Variants in THSD7A observed in about 807,000 individuals in gnomAD.
THSD7A encodes the protein thrombospondin type-1 domain-containing protein 7A.
In THSD7A, 96 loss-of-function variants were observed where a neutral mutation model predicts 231.3. The ratio of observed to expected loss-of-function variants is 0.41; its 90% CI spans 0.35 to 0.49. The LOEUF is 0.49. Among genes scored for constraint, THSD7A ranks in the 20% least tolerant of loss-of-function variants. The pLI, the probability that THSD7A is intolerant of heterozygous loss-of-function variation, is 0.05. For synonymous variants in THSD7A, 940 were observed against 743.3 expected (o/e 1.26, Z -4.30); for missense variants, 2,290 against 2,070.2 (o/e 1.11, Z -2.06).
At chr7:11,392,166 G>A (rs190948909) in intron 23 of THSD7A, among the ~76,000 whole-genome samples, 22 of 152,118 alleles carry the variant, frequency 1.4e-4, no homozygotes, top group African/African-American at 4.6e-4. Context: ...CAGAAGGTGG[G>A]TGATTTCTGC....
At chr7:11,551,581 C>G (rs1439740666) in intron 4 of THSD7A, among the ~76,000 whole-genome samples, 1 of 152,088 alleles carries the variant, frequency 6.6e-6, no homozygotes, top group Non-Finnish European at 1.5e-5. Flanking sequence ...ACATGGCCAA[C>G]AAACATATGA....
chr7:11,787,032 C>A (rs1783815457), intron 1 of THSD7A, among the ~76,000 whole-genome samples: 1 of 151,998 alleles, frequency 6.6e-6, no homozygotes, highest in South Asian at 2.1e-4. Flanking sequence ...AAAATGTTAG[C>A]TTTCTGGATT....
At chr7:11,586,811 C>T (rs1423234183) in intron 4 of THSD7A, among the ~76,000 whole-genome samples, 1 of 152,040 alleles carries the variant, frequency 6.6e-6, no homozygotes, top group Non-Finnish European at 1.5e-5. Context: ...TTCAATCATC[C>T]ATCCCTCCGC....
At chr7:11,827,938 G>T (rs1043621583) in intron 1 of THSD7A, among the ~76,000 whole-genome samples, 5 of 152,030 alleles carry the variant, frequency 3.3e-5, no homozygotes, top group African/African-American at 1.2e-4. Flanking sequence ...TCCCTGGAAG[G>T]CACTGTGTCT....
chr7:11,580,520 T>G (rs1399392508), intron 4 of THSD7A, among the ~76,000 whole-genome samples: 1 of 152,140 alleles, frequency 6.6e-6, no homozygotes. Context: ...AAGTATACTT[T>G]TTTAAAAAAT....
chr7:11,765,964 G>T (rs1192318085), intron 1 of THSD7A, among the ~76,000 whole-genome samples: 1 of 152,094 alleles, frequency 6.6e-6, no homozygotes, highest in South Asian at 2.1e-4. Context: ...TAAACAGTTT[G>T]ACTTTATAAT....
intron 1 of THSD7A, among the ~76,000 whole-genome samples, chr7:11,744,187 T>A (rs1782200479): frequency 6.6e-6 from 1 of 151,846 alleles, no homozygotes; most frequent in Non-Finnish European, 1.5e-5. Flanking sequence ...CTAATGACAG[T>A]CTAGAAGGAG....
intron 8 of THSD7A, among the ~76,000 whole-genome samples, chr7:11,471,349 CAA>C (rs1214408897): frequency 6.6e-6 from 1 of 151,866 alleles, no homozygotes; most frequent in Non-Finnish European, 1.5e-5. Context: ...TTTTGTAGCT[CAA>C]GTTTGTCTTT....
At position 11,637,034 on chromosome 7, in the gene THSD7A, G is replaced by C; in HGVS notation, c.191-73C>G. ...TACAAGTTACTGCACATTCCAGAAA[G>C]ACCTTTCAAGACCTAGTACATTAAC... On this transcript the variant is annotated intron_variant, in intron 1 of 27. Coordinates refer to ENST00000423059, the MANE Select transcript of THSD7A (RefSeq NM_015204.3). This position sits in a 1 kb window ranked among gnomAD's most constrained non-coding sequence, Gnocchi z 4.2. 1.5e-6 allele frequency: 2 copies of C among 1,320,740 alleles called. No homozygotes were observed. The highest frequency in any genetic ancestry group is 1.9e-4 in the Middle Eastern group (1 of 5,292). The allele number at this position is 1,320,740 out of a possible 1,614,324, so 81.8% of individuals were successfully genotyped here. A position where few individuals can be genotyped will look rare whatever the true frequency, so the allele number is the denominator to read the frequency against.
chr7:11,497,395 C>T (rs1490637122), intron 6 of THSD7A, among the ~76,000 whole-genome samples: 1 of 152,112 alleles, frequency 6.6e-6, no homozygotes, highest in Non-Finnish European at 1.5e-5. Context: ...TATTTTGGTG[C>T]ATCTGTCAAA....
intron 1 of THSD7A, among the ~76,000 whole-genome samples, chr7:11,721,115 C>A (rs367645328): frequency 5.3e-5 from 8 of 151,932 alleles, no homozygotes; most frequent in East Asian, 3.9e-4. Flanking sequence ...ACTCCACTTT[C>A]TACTTGTAAT....
rs1425431921 is a variant in THSD7A, at chr7:11,545,394, T to C, written c.1454-2277A>G. On this transcript the variant is annotated intron_variant, in intron 4 of 27. Transcript: ENST00000423059. ...ATTTTATATATAAAGTTGAAAACTT[T>C]AGGAAGCAAACATTGTTTTATTAAG... 7.9e-5 allele frequency among the ~76,000 whole-genome samples: 12 copies of C among 152,274 alleles called. No individual in the cohort carries two copies. In the South Asian group the frequency reaches 2.5e-3, roughly 32 times the overall value.
chr7:11,641,791 C>T (rs1360163795), intron 1 of THSD7A, among the ~76,000 whole-genome samples: 2 of 151,486 alleles, frequency 1.3e-5, no homozygotes, highest in Non-Finnish European at 2.9e-5. Flanking sequence ...ATAAATAAAC[C>T]CATCGTCCAC....
intron 1 of THSD7A, among the ~76,000 whole-genome samples, chr7:11,739,842 T>C (rs536566866): frequency 6.6e-6 from 1 of 152,068 alleles, no homozygotes; most frequent in Admixed American, 6.6e-5. Flanking sequence ...GCTTCTCTTG[T>C]ATCAGAAGTG....
At chr7:11,643,929 G>C (rs1030473611) in intron 1 of THSD7A, among the ~76,000 whole-genome samples, 2 of 151,834 alleles carry the variant, frequency 1.3e-5, no homozygotes, top group African/African-American at 4.8e-5. Flanking sequence ...CCTTCCACCA[G>C]CAATTCCTGA....
intron 27 of THSD7A, 125 bp from the exon 28 acceptor site, chr7:11,376,003 A>T: frequency 1.3e-6 from 1 of 773,112 alleles, no homozygotes. Flanking sequence ...TGCGTTGCCT[A>T]AAGTCTATCT....
At chr7:11,757,800 A>G (rs1298517451) in intron 1 of THSD7A, among the ~76,000 whole-genome samples, 1 of 151,804 alleles carries the variant, frequency 6.6e-6, no homozygotes, top group African/African-American at 2.4e-5. Flanking sequence ...TCTGTAATAC[A>G]TGAATATTTG....
rs1785190606 is a variant in THSD7A at position 11,831,496 on chromosome 7, C to A, written c.190+261G>T. ...AGGGGTTAAAAATAATGCACTTCAT[C>A]ATGGAAGTGCGCGTTGCCCTCATTA... On this transcript the variant is annotated intron_variant, in intron 1 of 27. Transcript: ENST00000423059. This position sits in a 1 kb window ranked among gnomAD's most constrained non-coding sequence, Gnocchi z 5.0. Among the ~76,000 whole-genome samples the A allele has an allele frequency of 6.6e-6, 1 of 152,162 alleles. No homozygotes were observed. The highest frequency in any genetic ancestry group is 2.1e-4 in the South Asian group (1 of 4,836).
chr7:11,798,877 A>C (rs1393611435), intron 1 of THSD7A, among the ~76,000 whole-genome samples: 1 of 152,038 alleles, frequency 6.6e-6, no homozygotes, highest in Non-Finnish European at 1.5e-5. Context: ...CTGCCTATTT[A>C]TCTATTTAGT....
Sources: gnomAD v4.1 joint callset for allele counts (sites outside exome capture counted in the v4.1 genomes callset) on GRCh38, gnomAD v4.1.1 for gene constraint, Gnocchi (gnomAD v3.1) non-coding constraint, MANE v1.5 for transcripts, NCBI Gene and HGNC (gene_info 2026-07-23, HGNC 2026-07-21) for gene names.